Variants in SGCZ observed in about 807,000 individuals in gnomAD.
SGCZ encodes zeta-sarcoglycan.
In SGCZ, 40 loss-of-function variants were observed where a neutral mutation model predicts 41.3. That is an observed-to-expected ratio of 0.97 (90% CI 0.75 to 1.26). The LOEUF (loss-of-function observed/expected upper bound fraction) is 1.26, where lower values mean the gene tolerates loss of function less well. SGCZ is among the 50% of genes most tolerant of loss of function. SGCZ has a pLI of 0.00. For synonymous variants in SGCZ, 206 were observed against 137.5 expected, an observed-to-expected ratio of 1.50 and a Z score of -3.49; for missense variants, 552 against 369.8, an observed-to-expected ratio of 1.49 and a Z score of -4.04.
intron 1 of SGCZ, among the ~76,000 whole-genome samples, chr8:14,772,093 T>C (rs1563259015): frequency 6.6e-6 from 1 of 152,148 alleles, no homozygotes; most frequent in Non-Finnish European, 1.5e-5. Flanking sequence ...TTCAATATAG[T>C]ATTCAATAAG....
intron 2 of SGCZ, among the ~76,000 whole-genome samples, chr8:14,383,901 C>G (rs189280401): frequency 8.4e-4 from 126 of 150,318 alleles, no homozygotes; most frequent in African/African-American, 3.1e-3. Context: ...TTAAGTAACA[C>G]GCTCCAAATT....
At chr8:14,278,957 T>G (rs1800328954) in intron 3 of SGCZ, among the ~76,000 whole-genome samples, 1 of 152,144 alleles carries the variant, frequency 6.6e-6, no homozygotes, top group Admixed American at 6.6e-5. Flanking sequence ...CATGTATCTC[T>G]CTGAATAAAT....
In SGCZ at chr8:14,896,721, C is replaced by A. The variant is rs1805213519; in HGVS notation, c.39+340864G>T. On this transcript the variant is annotated intron_variant, in intron 1 of 7. Transcript: ENST00000382080. ...CGAACTCCTGACCTCCAGTGATAAACCTGCCTCGGCCTCCCAAAGTGCTGG... is the reference window on the plus strand; with the variant it reads ...CGAACTCCTGACCTCCAGTGATAAAACTGCCTCGGCCTCCCAAAGTGCTGG... 1.3e-5 allele frequency among the ~76,000 whole-genome samples: 2 copies of A among 151,708 alleles called. 1 individual carries two copies. The highest frequency in any genetic ancestry group is 4.2e-4 in the South Asian group (2 of 4,816).
At chr8:15,162,475 C>T (rs942184004) in intron 1 of SGCZ, among the ~76,000 whole-genome samples, 5 of 152,162 alleles carry the variant, frequency 3.3e-5, no homozygotes, top group African/African-American at 1.2e-4. Flanking sequence ...CTACAAGTCA[C>T]GTGGATAGAT....
intron 1 of SGCZ, among the ~76,000 whole-genome samples, chr8:15,057,174 A>C (rs936275826): frequency 2.6e-5 from 4 of 152,232 alleles, no homozygotes; most frequent in Middle Eastern, 3.2e-3. Context: ...TGGGAAGTAC[A>C]GATGTTCAAA....
chr8:14,543,560 G>C (rs1257223034), intron 2 of SGCZ, among the ~76,000 whole-genome samples: 1 of 152,028 alleles, frequency 6.6e-6, no homozygotes, highest in South Asian at 2.1e-4. Context: ...CTCCTTCCTT[G>C]TCCATGGTGC....
At chr8:15,007,895 A>G (rs2130921004) in intron 1 of SGCZ, among the ~76,000 whole-genome samples, 1 of 152,318 alleles carries the variant, frequency 6.6e-6, no homozygotes, top group Non-Finnish European at 1.5e-5. Context: ...TATAAATGAA[A>G]TTTTTAAAAT....
intron 2 of SGCZ, among the ~76,000 whole-genome samples, chr8:14,450,187 C>A: frequency 6.6e-6 from 1 of 152,156 alleles, no homozygotes; most frequent in East Asian, 1.9e-4. Context: ...CCAGGCTACA[C>A]AGAACCCAAA....
intron 1 of SGCZ, among the ~76,000 whole-genome samples, chr8:15,117,085 G>A (rs561810040): frequency 6.6e-6 from 1 of 152,246 alleles, no homozygotes; most frequent in African/African-American, 2.4e-5. Context: ...AAGTATAAAT[G>A]TACTGGCAGG....
chr8:14,803,384 G>A (rs1801395721), intron 1 of SGCZ, among the ~76,000 whole-genome samples: 1 of 152,122 alleles, frequency 6.6e-6, no homozygotes, highest in African/African-American at 2.4e-5. Context: ...CCATGCGCAA[G>A]CCGAAGCAGG....
chr8:14,904,399 C>G (rs115378718), intron 1 of SGCZ, among the ~76,000 whole-genome samples: 3 of 151,980 alleles, frequency 2.0e-5, no homozygotes, highest in Non-Finnish European at 2.9e-5. Context: ...CAATATAGCA[C>G]GCAAAACATC....
chr8:14,685,309 A>AG (rs1808577074), intron 1 of SGCZ, among the ~76,000 whole-genome samples: 2 of 152,110 alleles, frequency 1.3e-5, no homozygotes, highest in African/African-American at 4.8e-5. Flanking sequence ...TTACAGAGTA[A>AG]AAAAGATTAA....
intron 1 of SGCZ, among the ~76,000 whole-genome samples, chr8:14,705,308 A>G (rs941414967): frequency 6.6e-6 from 1 of 152,038 alleles, no homozygotes; most frequent in Non-Finnish European, 1.5e-5. Flanking sequence ...TAACAGGATT[A>G]TGAAGAACAG....
chr8:15,237,803 T>C lies in SGCZ; in HGVS notation c.-180A>G. 1.7e-6 allele frequency: 1 copy of C among 573,294 alleles called. No individual in the cohort carries two copies. The highest frequency in any genetic ancestry group is 3.1e-6 in the Non-Finnish European group (1 of 320,626). The allele number at this position is 573,294 out of a possible 1,614,324, so 35.5% of individuals were successfully genotyped here. On this transcript the variant is annotated 5_prime_UTR_variant, in exon 1 of 8. Coordinates refer to ENST00000382080, the MANE Select transcript of SGCZ (RefSeq NM_139167.4). ...GTTAAAAATAAGGAAAATAAATAAATAATAATGATAATTCACTTTATTTTA... is the reference window on the plus strand; with the variant it reads ...GTTAAAAATAAGGAAAATAAATAAACAATAATGATAATTCACTTTATTTTA...
intron 2 of SGCZ, among the ~76,000 whole-genome samples, chr8:14,487,289 C>T (rs1247057833): frequency 2.0e-5 from 3 of 152,092 alleles, no homozygotes; most frequent in African/African-American, 4.8e-5. Context: ...ATGAAACCAT[C>T]CTGTATCAAG....
At chr8:14,164,976 C>G (rs1804165176) in intron 4 of SGCZ, 1 of 329,172 alleles carries the variant, frequency 3.0e-6, no homozygotes, top group Non-Finnish European at 5.7e-6. Context: ...CACATATCCA[C>G]AAAAAGAGAC....
chr8:14,143,671 A>G (rs1350158634), intron 5 of SGCZ, among the ~76,000 whole-genome samples: 3 of 152,176 alleles, frequency 2.0e-5, no homozygotes, highest in African/African-American at 4.8e-5. Flanking sequence ...CATAAGAACC[A>G]AAAATCATAT....
At chr8:14,977,197 A>G (rs1464309905) in intron 1 of SGCZ, among the ~76,000 whole-genome samples, 1 of 152,006 alleles carries the variant, frequency 6.6e-6, no homozygotes, top group African/African-American at 2.4e-5. Flanking sequence ...CGTTGAGGGA[A>G]GGCGCTATGT....
intron 1 of SGCZ, among the ~76,000 whole-genome samples, chr8:14,826,172 G>C (rs1408265937): frequency 2.0e-5 from 3 of 146,856 alleles, no homozygotes; most frequent in Non-Finnish European, 4.4e-5. Flanking sequence ...CTATGAGTGA[G>C]AACATGCAGT....
Sources: gnomAD v4.1 joint callset for allele counts (sites outside exome capture counted in the v4.1 genomes callset) on GRCh38, gnomAD v4.1.1 for gene constraint, MANE v1.5 for transcripts, NCBI Gene and HGNC (gene_info 2026-07-23, HGNC 2026-07-21) for gene names.